The following HMCN2 variants were observed in gnomAD, a reference collection of about 807,000 sequenced individuals.
The protein encoded by HMCN2 is hemicentin 2.
HMCN2 carries 325 observed loss-of-function variants against 377.5 expected under a neutral mutation model. That is an observed-to-expected ratio of 0.86 (90% confidence interval 0.79 to 0.94). HMCN2 has a LOEUF of 0.94. HMCN2 is among the 40% of genes least tolerant of loss of function. The probability of loss-of-function intolerance (pLI) is 0.00; values close to 1 mark genes in which losing one functional copy is unlikely to be tolerated. For missense variants in HMCN2, 4,543 were observed against 4,725.3 expected, an observed-to-expected ratio of 0.96 and a Z score of 1.13; for synonymous variants, 2,007 against 2,046.8, an observed-to-expected ratio of 0.98 and a Z score of 0.53.
At position 130,434,052 on chromosome 9, in the gene HMCN2, C is replaced by T. The variant is rs1046928; in HGVS notation, c.*359C>T. ...GACCCCGCGTTAGGGGTGGCAGCAGCTGTCGCCCGGCCACACCTGGTGGTG... is the reference window on the plus strand; with the variant it reads ...GACCCCGCGTTAGGGGTGGCAGCAGTTGTCGCCCGGCCACACCTGGTGGTG... On this transcript the variant is annotated 3_prime_UTR_variant, in exon 98 of 98. Transcript: ENST00000683500. 0.067 allele frequency: 15,508 copies of T among 232,568 alleles called. 685 individuals carry two copies. The highest frequency in any genetic ancestry group is 0.096 in the Non-Finnish European group (11,604 of 120,766). 14.4% of individuals were successfully genotyped at this position (232,568 alleles called of 1,614,324 possible).
intron 73 of HMCN2, among the ~76,000 whole-genome samples, chr9:130,396,533 G>A (rs1842615745): frequency 1.3e-5 from 2 of 152,128 alleles, no homozygotes; most frequent in Non-Finnish European, 2.9e-5. Context: ...GGGCATGAAT[G>A]GATCTCATGA....
intron 22 of HMCN2, among the ~76,000 whole-genome samples, chr9:130,332,184 G>A (rs1042655368): frequency 6.6e-6 from 1 of 152,238 alleles, no homozygotes; most frequent in Non-Finnish European, 1.5e-5. Flanking sequence ...TTGGTTTCTG[G>A]TCTGGTGGCT....
At chr9:130,344,416 G>A (rs1038023509) in intron 25 of HMCN2, among the ~76,000 whole-genome samples, 2 of 150,816 alleles carry the variant, frequency 1.3e-5, no homozygotes, top group African/African-American at 2.4e-5. Context: ...GTGTGTGCAT[G>A]TATGTGTTCT....
At chr9:130,333,379 C>T (rs1162087514) in intron 22 of HMCN2, among the ~76,000 whole-genome samples, 8 of 152,206 alleles carry the variant, frequency 5.3e-5, no homozygotes, top group African/African-American at 1.4e-4. Context: ...TGGCATTATT[C>T]CTGGCACTCC....
Position 130,391,012 on chromosome 9 carries a change from G to T in HMCN2, c.9559G>T (p.Gly3187Cys). Reference sequence around the variant, plus strand: ...GGTGCACGGTGTGGTCTCCCGGGGGGGCCGCCTCCAGCTGAGCCGCCTGCA... The same window carrying T: ...GGTGCACGGTGTGGTCTCCCGGGGGTGCCGCCTCCAGCTGAGCCGCCTGCA... The part of the protein sequence containing the change: ...SAVHGVVSRG[G>C]RLQLSRLQPA... Residue 3187 changes from glycine (G) to cysteine (C), a missense_variant, in exon 63 of 98, where the codon GGC (glycine) becomes TGC (cysteine). Gly to Cys is a radical substitution (Grantham distance 159, BLOSUM62 -3). This residue lies in a region of HMCN2 where 736 missense variants were observed against 773.2 expected (regional missense o/e 0.95). Transcript: ENST00000683500. 1.0e-6 allele frequency: 1 copy of T among 987,420 alleles called. No homozygotes were observed. Among genetic ancestry groups the T allele is most frequent in the Non-Finnish European group, 1.2e-6 (1 of 830,198 alleles). 61.2% of individuals were successfully genotyped at this position (987,420 alleles called of 1,614,324 possible).
chr9:130,305,051 G>T (rs1373599365), intron 11 of HMCN2, 49 bp downstream of exon 11: 4 of 448,886 alleles, frequency 8.9e-6, no homozygotes, highest in Admixed American at 4.8e-5. Flanking sequence ...CACGTGACCT[G>T]GTGTTTACCC....
chr9:130,434,000 G>C lies in HMCN2; in HGVS notation c.*307G>C. The C allele has an allele frequency of 3.3e-6, 1 of 303,376 alleles. No individual in the cohort carries two copies. Among genetic ancestry groups the C allele is most frequent in the Non-Finnish European group, 6.0e-6 (1 of 165,602 alleles). The allele number at this position is 303,376 out of a possible 1,614,324, so 18.8% of individuals were successfully genotyped here. Reference sequence around the variant, plus strand: ...AGTGGGAGCGGGACAGGGACACAGGGCACCTGGACGCGCGGGAGAGGGGGC... The same window carrying C: ...AGTGGGAGCGGGACAGGGACACAGGCCACCTGGACGCGCGGGAGAGGGGGC... On this transcript the variant is annotated 3_prime_UTR_variant, in exon 98 of 98. Coordinates refer to ENST00000683500, the MANE Select transcript of HMCN2 (RefSeq NM_001291815.2).
chr9:130,380,116 T>TC (rs899328230), intron 54 of HMCN2, among the ~76,000 whole-genome samples: 32 of 152,220 alleles, frequency 2.1e-4, no homozygotes, highest in African/African-American at 7.5e-4. Flanking sequence ...CCTCAGGTGA[T>TC]CCACCGTCTC....
In HMCN2 at chr9:130,360,287, C is replaced by G. The variant is rs1040117204; in HGVS notation, c.5774-141C>G. 45 of 536,398 alleles carry G rather than the reference C, an allele frequency of 8.4e-5. 1 individual carries two copies. In the South Asian group the frequency reaches 8.7e-4, roughly 10 times the overall value. 33.2% of individuals were successfully genotyped at this position (536,398 alleles called of 1,614,324 possible). On this transcript the variant is annotated intron_variant, in intron 37 of 97. Coordinates refer to ENST00000683500, the MANE Select transcript of HMCN2 (RefSeq NM_001291815.2). The surrounding 1 kb of genome is among the most constrained non-coding windows in gnomAD (Gnocchi z 4.7). ...GCAGAGTCTGACGGGCTGGCAGCAC[C>G]CTTGCTTCTCTCTTCCATTCCCCCT...
At chr9:130,330,404 G>A (rs2069227977) in intron 22 of HMCN2, among the ~76,000 whole-genome samples, 1 of 152,204 alleles carries the variant, frequency 6.6e-6, no homozygotes, top group Non-Finnish European at 1.5e-5. Flanking sequence ...CGCCCTGTAG[G>A]TGGTTGGGGT....
chr9:130,429,253 A>T (rs1037995612), intron 93 of HMCN2: 37 of 407,918 alleles, frequency 9.1e-5, no homozygotes, highest in Middle Eastern at 1.3e-3. Flanking sequence ...GGATGAGGAA[A>T]CTGAGGCTCA....
intron 78 of HMCN2, 113 bp from the exon 79 acceptor site, chr9:130,403,081 C>G (rs1588403947): frequency 8.9e-7 from 1 of 1,122,930 alleles, no homozygotes; most frequent in East Asian, 6.0e-5. Flanking sequence ...GCCGATGTTT[C>G]TAGAACCCCC....
chr9:130,431,701 C>T (rs75315506), intron 96 of HMCN2, among the ~76,000 whole-genome samples: 1 of 152,192 alleles, frequency 6.6e-6, no homozygotes, highest in African/African-American at 2.4e-5. Context: ...GCTCTGAGAT[C>T]ACGCGGGCAG....
At position 130,388,475 on chromosome 9, in the gene HMCN2, T is replaced by C. The variant is rs893870914; in HGVS notation, c.9458T>C (p.Leu3153Pro). Residue 3153 changes from leucine (L) to proline (P), a missense_variant, in exon 62 of 98, where the codon CTG (leucine) becomes CCG (proline). By Grantham distance (98) the Leu-to-Pro change is moderately conservative (BLOSUM62 -3). Around this residue, in one of 5 missense-constraint regions of HMCN2, gnomAD observed 736 missense variants for 773.2 expected, o/e 0.95. Coordinates refer to ENST00000683500, the MANE Select transcript of HMCN2 (RefSeq NM_001291815.2). Reference sequence around the variant, plus strand: ...CAGGTGGCTGGGAGCCCCCTGGTCCTGACCTGTGATGTGTCCGGGGTCCCT... The same window carrying C: ...CAGGTGGCTGGGAGCCCCCTGGTCCCGACCTGTGATGTGTCCGGGGTCCCT... ...VSQVAGSPLV[L>P]TCDVSGVPAP... is the part of the protein sequence containing the mutation. 1.7e-5 allele frequency: 17 copies of C among 987,952 alleles called. No individual in the cohort carries two copies. Among genetic ancestry groups the C allele is most frequent in the Non-Finnish European group, 2.0e-5 (17 of 830,142 alleles). The allele number at this position is 987,952 out of a possible 1,614,324, so 61.2% of individuals were successfully genotyped here.
intron 1 of HMCN2, among the ~76,000 whole-genome samples, chr9:130,284,205 ATTGT>A (rs1554926730): frequency 6.6e-6 from 1 of 151,866 alleles, no homozygotes. Flanking sequence ...CCCAGAATGG[ATTGT>A]TTGTTTGCTT....
intron 13 of HMCN2, 28 bp downstream of exon 13, chr9:130,306,966 A>G (rs1836899389): frequency 2.2e-6 from 1 of 446,188 alleles, no homozygotes; most frequent in Non-Finnish European, 4.7e-6. Context: ...ATCACCTTAC[A>G]GGAGAAGGGC....
intron 1 of HMCN2, among the ~76,000 whole-genome samples, chr9:130,268,310 T>C (rs1307388122): frequency 6.6e-6 from 1 of 152,178 alleles, no homozygotes; most frequent in Non-Finnish European, 1.5e-5. Flanking sequence ...CCTCACTCCA[T>C]CCTCTATGAA....
rs553679524 is a variant in HMCN2 at position 130,433,582 on chromosome 9, C to T, written c.15129C>T (p.Thr5043=). ...PLRAGLGAVY[T]RRALTRAGLY... is the part of the protein sequence containing the mutation. ...GCGCGGGCCTTGGCGCGGTCTACAC[C>T]CGTCGCGCGCTCACCCGCGCCGGCC... is the stretch of plus-strand genomic sequence containing the variant. The change falls in exon 98 of 98, where the codon ACC becomes ACT. Residue 5043 remains threonine, a synonymous_variant. Coordinates refer to ENST00000683500, the MANE Select transcript of HMCN2 (RefSeq NM_001291815.2). 13 of 1,508,154 alleles carry T rather than the reference C, an allele frequency of 8.6e-6. No individual in the cohort carries two copies. The highest frequency in any genetic ancestry group is 1.1e-5 in the Non-Finnish European group (13 of 1,131,140). The allele number at this position is 1,508,154 out of a possible 1,614,324, so 93.4% of individuals were successfully genotyped here.
intron 29 of HMCN2, among the ~76,000 whole-genome samples, chr9:130,350,753 G>A (rs1035642462): frequency 2.7e-5 from 4 of 149,626 alleles, no homozygotes; most frequent in East Asian, 2.0e-4. Flanking sequence ...ATATATATAC[G>A]GGCATGGTGG....
Sources: gnomAD v4.1 joint callset for allele counts (sites outside exome capture counted in the v4.1 genomes callset) on GRCh38, gnomAD v4.1.1 for gene constraint, gnomAD v4.1.1 regional missense constraint, Gnocchi (gnomAD v3.1) non-coding constraint, MANE v1.5 for transcripts, NCBI Gene and HGNC (gene_info 2026-07-23, HGNC 2026-07-21) for gene names.